The following NHEJ1 variants were observed in gnomAD, a reference collection of about 807,000 sequenced individuals.
NHEJ1 encodes the protein non-homologous end-joining factor 1.
Under a neutral mutation model 39.4 loss-of-function variants are expected in NHEJ1, and 22 were observed. That is an observed-to-expected ratio of 0.56 (90% confidence interval 0.40 to 0.80). The LOEUF (loss-of-function observed/expected upper bound fraction) is 0.80. Ranked by LOEUF, NHEJ1 falls within the 30% of genes least tolerant of loss-of-function variation. The pLI, the probability that NHEJ1 is intolerant of heterozygous loss-of-function variation, is 0.00. For synonymous variants in NHEJ1, 154 were observed against 135.6 expected (o/e 1.14, Z -0.94); for missense variants, 329 against 357.1 (o/e 0.92, Z 0.63).
intron 3 of NHEJ1, among the ~76,000 whole-genome samples, chr2:219,152,527 C>T (rs1949805856): frequency 6.6e-6 from 1 of 152,184 alleles, no homozygotes; most frequent in Admixed American, 6.5e-5. Flanking sequence ...AGCACAATCA[C>T]AGCTTACTGC....
chr2:219,099,883 T>C (rs80276161), intron 5 of NHEJ1, among the ~76,000 whole-genome samples: 6,543 of 152,140 alleles, frequency 0.043, 474 homozygotes, highest in African/African-American at 0.15. Flanking sequence ...AAACTATGAA[T>C]TTCAGAAGGT....
chr2:219,107,425 A>G (rs1312826804), intron 5 of NHEJ1, among the ~76,000 whole-genome samples: 2 of 152,240 alleles, frequency 1.3e-5, no homozygotes, highest in Non-Finnish European at 2.9e-5. Context: ...CAAATCAAAA[A>G]AGTGGAAGAA....
chr2:219,155,652 G>A (rs991088701), intron 3 of NHEJ1, among the ~76,000 whole-genome samples: 1 of 152,190 alleles, frequency 6.6e-6, no homozygotes, highest in Non-Finnish European at 1.5e-5. Context: ...GCCGGGCGCA[G>A]TGGCTCACGC....
chr2:219,099,951 T>C (rs1172839857), intron 5 of NHEJ1, among the ~76,000 whole-genome samples: 1 of 151,918 alleles, frequency 6.6e-6, no homozygotes, highest in Non-Finnish European at 1.5e-5. Context: ...AATGGGGAAA[T>C]GCAAGCTGTA....
At chr2:219,142,005 G>C (rs759250871) in intron 5 of NHEJ1, among the ~76,000 whole-genome samples, 2 of 152,180 alleles carry the variant, frequency 1.3e-5, no homozygotes, top group East Asian at 3.9e-4. Context: ...ATAGTTTAAA[G>C]TATCTGCTCT....
Position 219,070,973 on chromosome 2 carries a change from C to T in NHEJ1, c.*5408G>A, listed in dbSNP as rs191900364. On this transcript the variant is annotated 3_prime_UTR_variant, in exon 8 of 8. Transcript: ENST00000356853. ...AACTAGTGCCTCCCCATTCCTCTCACGTGACAGGACGCCCTGAAATCCCCG... is the reference window on the plus strand; with the variant it reads ...AACTAGTGCCTCCCCATTCCTCTCATGTGACAGGACGCCCTGAAATCCCCG... 3.6e-3 allele frequency among the ~76,000 whole-genome samples: 555 copies of T among 152,322 alleles called. 2 individuals carry two copies. The highest frequency in any genetic ancestry group is 5.7e-3 in the Non-Finnish European group (387 of 68,030).
intron 3 of NHEJ1, among the ~76,000 whole-genome samples, chr2:219,150,826 G>A (rs1574744301): frequency 2.6e-5 from 4 of 152,080 alleles, no homozygotes; most frequent in Admixed American, 2.6e-4. Context: ...CATGGTGGCG[G>A]GTGCCTGTAA....
intron 3 of NHEJ1, among the ~76,000 whole-genome samples, chr2:219,149,900 C>A (rs891938158): frequency 6.6e-6 from 1 of 152,344 alleles, no homozygotes; most frequent in Middle Eastern, 3.4e-3. Context: ...GTGTTCCAAC[C>A]GAGCTTTACA....
intron 5 of NHEJ1, among the ~76,000 whole-genome samples, chr2:219,084,665 T>C (rs533820365): frequency 5.9e-5 from 9 of 152,320 alleles, no homozygotes; most frequent in Middle Eastern, 6.8e-3. Flanking sequence ...AACAGCTACT[T>C]TGATGAGGCT....
intron 7 of NHEJ1, 102 bp from the exon 8 acceptor site, chr2:219,076,557 C>CTT (rs778354452): frequency 3.9e-3 from 1,784 of 453,980 alleles, no homozygotes; most frequent in South Asian, 6.0e-3. Context: ...AGGATGAGGC[C>CTT]TTTTTTTTTT....
intron 3 of NHEJ1, among the ~76,000 whole-genome samples, chr2:219,153,856 C>T (rs1462416772): frequency 6.6e-6 from 1 of 152,170 alleles, no homozygotes; most frequent in Non-Finnish European, 1.5e-5. Context: ...CTTTCCTGTA[C>T]AGCTGGAAGG....
At chr2:219,153,708 GAGA>G (rs1949821941) in intron 3 of NHEJ1, among the ~76,000 whole-genome samples, 1 of 54,850 alleles carries the variant, frequency 1.8e-5, no homozygotes, top group Non-Finnish European at 5.6e-5. Flanking sequence ...GGGGGGTGGA[GAGA>G]GAGAGAGAGA....
chr2:219,139,824 C>A (rs945482513), intron 5 of NHEJ1, among the ~76,000 whole-genome samples: 2 of 152,142 alleles, frequency 1.3e-5, no homozygotes, highest in African/African-American at 4.8e-5. Context: ...GGACTACAGG[C>A]GCCTGCCACC....
rs202044845 is a variant in NHEJ1 at position 219,131,692 on chromosome 2, T to C, written c.588+14988A>G. Among the ~76,000 whole-genome samples, 64 of 152,362 alleles carry C rather than the reference T, an allele frequency of 4.2e-4. No individual in the cohort carries two copies. The East Asian group carries it at 8.1e-3, about 19-fold the overall frequency. ...TGTTAGTACATTTCCTCACACATCA[T>C]TAATTAATTACATAAAAGTTTTTCT... On this transcript the variant is annotated intron_variant, in intron 5 of 7. Transcript: ENST00000356853.
chr2:219,073,124 G>T lies in NHEJ1; in HGVS notation c.*3257C>A, dbSNP rs1036184250. Among the ~76,000 whole-genome samples, 1 of 152,144 alleles carries T rather than the reference G, an allele frequency of 6.6e-6. No individual in the cohort carries two copies. The highest frequency in any genetic ancestry group is 2.4e-5 in the African/African-American group (1 of 41,440). ...GATGTGAGCATCTCTCCTTCCCCCA[G>T]TGCTCACTGTGGGTGCGCTACACCA... is the stretch of plus-strand genomic sequence containing the variant. On this transcript the variant is annotated 3_prime_UTR_variant, in exon 8 of 8. Coordinates refer to ENST00000356853, the MANE Select transcript of NHEJ1 (RefSeq NM_024782.3).
At chr2:219,080,533 AT>A (rs1383498979) in intron 5 of NHEJ1, among the ~76,000 whole-genome samples, 234 of 142,786 alleles carry the variant, frequency 1.6e-3, no homozygotes, top group Non-Finnish European at 2.9e-3. Flanking sequence ...TTAAAAAAAA[AT>A]AAATAAATAA....
chr2:219,129,406 G>A (rs1366699317), intron 5 of NHEJ1, among the ~76,000 whole-genome samples: 4 of 152,164 alleles, frequency 2.6e-5, no homozygotes, highest in Non-Finnish European at 5.9e-5. Flanking sequence ...AAGACTTTGG[G>A]ACATTTTCTC....
At chr2:219,140,648 G>A (rs929934411) in intron 5 of NHEJ1, among the ~76,000 whole-genome samples, 1 of 152,194 alleles carries the variant, frequency 6.6e-6, no homozygotes, top group African/African-American at 2.4e-5. Flanking sequence ...AACTTAGATG[G>A]GAGGGGGTTG....
At chr2:219,137,345 C>T (rs890797587) in intron 5 of NHEJ1, among the ~76,000 whole-genome samples, 1 of 152,018 alleles carries the variant, frequency 6.6e-6, no homozygotes, top group Admixed American at 6.5e-5. Flanking sequence ...CTTCAAATCA[C>T]ATAAGCATAT....
Sources: allele counts gnomAD v4.1 joint callset (sites outside exome capture counted in the v4.1 genomes callset), GRCh38; gene constraint gnomAD v4.1.1; transcripts MANE v1.5; gene names NCBI Gene and HGNC (gene_info 2026-07-23, HGNC 2026-07-21).